Variants in SH3RF3 observed in about 807,000 individuals in gnomAD.
SH3RF3 encodes E3 ubiquitin-protein ligase SH3RF3.
In SH3RF3, 29 loss-of-function variants were observed where a neutral mutation model predicts 66.3. That is an observed-to-expected ratio of 0.44 (90% CI 0.33 to 0.60). SH3RF3 has a LOEUF of 0.60. Among genes scored for constraint, SH3RF3 ranks in the 20% least tolerant of loss-of-function variants. The pLI, the probability that SH3RF3 is intolerant of heterozygous loss-of-function variation, is 0.04. For synonymous variants in SH3RF3, 583 were observed against 532.0 expected (o/e 1.10, Z -1.32); for missense variants, 1,194 against 1,190.9 (o/e 1.00, Z -0.04).
intron 1 of SH3RF3, among the ~76,000 whole-genome samples, chr2:109,269,661 C>T (rs907595723): frequency 1.3e-5 from 2 of 152,020 alleles, no homozygotes; most frequent in African/African-American, 4.8e-5. Context: ...TGTGCCTAGT[C>T]CCAGCTACTC....
At chr2:109,307,427 T>C (rs1328114737) in intron 1 of SH3RF3, among the ~76,000 whole-genome samples, 1 of 132,086 alleles carries the variant, frequency 7.6e-6, no homozygotes, top group Non-Finnish European at 1.5e-5. Flanking sequence ...TGCACTTTTT[T>C]TTTTTATTAT....
Position 109,275,411 on chromosome 2 carries a change from G to A in SH3RF3, c.574-72263G>A, listed in dbSNP as rs775355689. ...TGTGATGTGGCCTGAGGAGGGTTCC[G>A]TGACCCTCCATTCAGTTGGACCGAC... On this transcript the variant is annotated intron_variant, in intron 1 of 9. Transcript: ENST00000309415. Among the ~76,000 whole-genome samples the A allele has an allele frequency of 7.2e-5, 11 of 152,184 alleles. 1 individual carries two copies. The highest frequency in any genetic ancestry group is 1.7e-4 in the African/African-American group (7 of 41,444).
Position 109,419,610 on chromosome 2 carries a change from C to T in SH3RF3, c.1371C>T (p.Gly457=), listed in dbSNP as rs746929718. ...CTGCCTCGGTGTCTGGAGAGCAGGG[C>T]ACGCCTCCCAAGGTCCAGCTGCCCC... ...PRAASVSGEQ[G]TPPKVQLPLN... The change falls in exon 5 of 10, where the codon GGC becomes GGT. Residue 457 remains glycine (G), a synonymous_variant. Transcript: ENST00000309415. 6.3e-7 allele frequency: 1 copy of T among 1,591,766 alleles called. No individual in the cohort carries two copies.
intron 2 of SH3RF3, among the ~76,000 whole-genome samples, chr2:109,359,726 G>T (rs921232706): frequency 3.9e-5 from 6 of 152,056 alleles, no homozygotes; most frequent in Non-Finnish European, 8.8e-5. Flanking sequence ...TTATGTAATG[G>T]GTTGTAGTCA....
chr2:109,354,267 G>A (rs1033093745), intron 2 of SH3RF3, among the ~76,000 whole-genome samples: 10 of 152,246 alleles, frequency 6.6e-5, no homozygotes. Flanking sequence ...GGTCACTGCG[G>A]TGGAGCAGGC....
At chr2:109,182,680 A>G (rs538043244) in intron 1 of SH3RF3, among the ~76,000 whole-genome samples, 15 of 152,342 alleles carry the variant, frequency 9.8e-5, no homozygotes, top group African/African-American at 3.4e-4. Context: ...TAATGCTTTG[A>G]GGCTAGGCTG....
intron 8 of SH3RF3, among the ~76,000 whole-genome samples, chr2:109,459,931 T>C (rs956901750): frequency 6.6e-5 from 10 of 152,178 alleles, no homozygotes; most frequent in African/African-American, 1.2e-4. Flanking sequence ...CACCATATAT[T>C]TGATGCTGAT....
Position 109,402,478 on chromosome 2 carries a change from C to G in SH3RF3, c.1299+3535C>G, listed in dbSNP as rs140526817. On this transcript the variant is annotated intron_variant, in intron 4 of 9. Transcript: ENST00000309415. ...CAAACAGAGGCCCCTCACATGCCAG[C>G]ACTGCCATCGTGGGAAACGTGGAGT... is the stretch of plus-strand genomic sequence containing the variant. Among the ~76,000 whole-genome samples, 4 of 152,340 alleles carry G rather than the reference C, an allele frequency of 2.6e-5. No individual in the cohort carries two copies. The East Asian group carries it at 7.7e-4, about 29-fold the overall frequency.
chr2:109,352,963 T>TGA (rs918654771), intron 2 of SH3RF3, among the ~76,000 whole-genome samples: 12 of 152,378 alleles, frequency 7.9e-5, no homozygotes, highest in African/African-American at 2.9e-4. Context: ...ACACAGAATG[T>TGA]GAGCTCCTCT....
chr2:109,151,814 C>T (rs1677231167), intron 1 of SH3RF3, among the ~76,000 whole-genome samples: 1 of 152,230 alleles, frequency 6.6e-6, no homozygotes. Flanking sequence ...AGATTTGCAT[C>T]TGCAAATTGT....
chr2:109,130,240 T>G (rs1285898922), intron 1 of SH3RF3, 127 bp downstream of exon 1: 4 of 914,566 alleles, frequency 4.4e-6, no homozygotes, highest in Non-Finnish European at 4.3e-6. Context: ...CACTCCGCTG[T>G]TGCTCTTCCT....
chr2:109,477,684 T>C (rs1678722734), intron 8 of SH3RF3, among the ~76,000 whole-genome samples: 1 of 151,824 alleles, frequency 6.6e-6, no homozygotes, highest in South Asian at 2.1e-4. Context: ...TCCCACAGTT[T>C]TGCGGGCTGG....
intron 2 of SH3RF3, among the ~76,000 whole-genome samples, chr2:109,355,171 C>T (rs943524973): frequency 5.9e-5 from 9 of 152,144 alleles, no homozygotes; most frequent in African/African-American, 1.4e-4. Context: ...TGAAAGTCTA[C>T]GGGCCCACAG....
chr2:109,325,225 T>C (rs1682124215), intron 1 of SH3RF3, among the ~76,000 whole-genome samples: 1 of 151,926 alleles, frequency 6.6e-6, no homozygotes, highest in Admixed American at 6.6e-5. Context: ...CTGGCATGGC[T>C]GGAGTCAAAG....
In SH3RF3 at chr2:109,190,726, G is replaced by A. The variant is rs1411618917; in HGVS notation, c.573+60613G>A. 2.6e-5 allele frequency among the ~76,000 whole-genome samples: 4 copies of A among 152,178 alleles called. No individual in the cohort carries two copies. In the East Asian group the frequency reaches 7.7e-4, roughly 29 times the overall value. ...CAAAAAAATTTGCTAGGTGTTGGGT[G>A]TCTCCCTTCTTTTCCCAGTCACATG... On this transcript the variant is annotated intron_variant, in intron 1 of 9. Coordinates refer to ENST00000309415, the MANE Select transcript of SH3RF3 (RefSeq NM_001099289.3).
chr2:109,345,279 C>T (rs942240679), intron 1 of SH3RF3, among the ~76,000 whole-genome samples: 3 of 151,786 alleles, frequency 2.0e-5, no homozygotes, highest in African/African-American at 7.3e-5. Context: ...CTAGAGAAGG[C>T]TGATGGTGGG....
intron 1 of SH3RF3, among the ~76,000 whole-genome samples, chr2:109,225,499 C>T (rs150542136): frequency 1.4e-4 from 21 of 152,358 alleles, no homozygotes; most frequent in Middle Eastern, 3.4e-3. Flanking sequence ...GGTGGGCTGA[C>T]CCACCTGGCC....
chr2:109,303,051 T>G (rs1681507713), intron 1 of SH3RF3, among the ~76,000 whole-genome samples: 1 of 152,138 alleles, frequency 6.6e-6, no homozygotes, highest in Non-Finnish European at 1.5e-5. Context: ...TAATTTTGTA[T>G]TTTTGGTAGA....
intron 2 of SH3RF3, among the ~76,000 whole-genome samples, chr2:109,363,719 T>C (rs1368371510): frequency 6.6e-6 from 1 of 152,196 alleles, no homozygotes; most frequent in Admixed American, 6.5e-5. Flanking sequence ...TTTTGAAGGA[T>C]AATTTCACAG....
Sources: allele counts gnomAD v4.1 joint callset (sites outside exome capture counted in the v4.1 genomes callset), GRCh38; gene constraint gnomAD v4.1.1; transcripts MANE v1.5; gene names NCBI Gene and HGNC (gene_info 2026-07-23, HGNC 2026-07-21).